The following EFCAB8 variants were observed in gnomAD, a reference collection of about 807,000 sequenced individuals.
EFCAB8 encodes EF-hand calcium-binding domain-containing protein 8.
In EFCAB8, 100 loss-of-function variants were observed where a neutral mutation model predicts 116.3. The ratio of observed to expected loss-of-function variants is 0.86; its 90% CI spans 0.73 to 1.02. The LOEUF (loss-of-function observed/expected upper bound fraction) is 1.02. Ranked by LOEUF, EFCAB8 falls within the 50% of genes least tolerant of loss-of-function variation. The pLI is 0.00. For missense variants in EFCAB8, 1,320 were observed against 1,416.9 expected (o/e 0.93, Z 1.10); for synonymous variants, 558 against 567.9 (o/e 0.98, Z 0.25).
intron 5 of EFCAB8, 108 bp from the exon 6 acceptor site, chr20:32,885,397 T>C (rs994112727): frequency 5.9e-5 from 85 of 1,446,090 alleles, no homozygotes; most frequent in Admixed American, 1.2e-4. Context: ...TGCGTGACGC[T>C]CCGCCGGCTT....
intron 4 of EFCAB8, 111 bp downstream of exon 4, chr20:32,876,155 C>T (rs1415472368): frequency 1.5e-5 from 14 of 940,996 alleles, no homozygotes; most frequent in Non-Finnish European, 2.1e-5. Context: ...GGGAAAGCCT[C>T]CCTGTGGATT....
chr20:32,871,673 T>A (rs992981979), intron 3 of EFCAB8, among the ~76,000 whole-genome samples: 1 of 152,122 alleles, frequency 6.6e-6, no homozygotes, highest in Non-Finnish European at 1.5e-5. Flanking sequence ...AATAGGATCA[T>A]TTTTCTCTTT....
chr20:32,871,791 C>G (rs1014084554), intron 3 of EFCAB8, among the ~76,000 whole-genome samples: 1 of 152,156 alleles, frequency 6.6e-6, no homozygotes, highest in Non-Finnish European at 1.5e-5. Context: ...TGCCAGTGTC[C>G]TTCTTCCTGT....
chr20:32,919,048 G>A (rs1218303522), intron 19 of EFCAB8, among the ~76,000 whole-genome samples: 2 of 152,180 alleles, frequency 1.3e-5, no homozygotes, highest in African/African-American at 2.4e-5. Context: ...TCTGCCCCAG[G>A]ACTAGCCCTT....
At chr20:32,865,293 G>T (rs1193549706) in intron 2 of EFCAB8, among the ~76,000 whole-genome samples, 1 of 135,448 alleles carries the variant, frequency 7.4e-6, no homozygotes, top group Non-Finnish European at 1.6e-5. Flanking sequence ...CTCTAGGGGA[G>T]ATGGGTTGGA....
chr20:32,882,691 T>G (rs1241816822), intron 5 of EFCAB8, among the ~76,000 whole-genome samples: 3 of 151,668 alleles, frequency 2.0e-5, no homozygotes, highest in Admixed American at 6.6e-5. Flanking sequence ...TGGCCGATTT[T>G]TTGTTGTTGT....
intron 22 of EFCAB8, among the ~76,000 whole-genome samples, chr20:32,935,621 C>T (rs965386535): frequency 7.2e-5 from 11 of 151,958 alleles, no homozygotes; most frequent in African/African-American, 2.4e-4. Flanking sequence ...ATTCTCCTGC[C>T]TCAGCCTCCC....
chr20:32,927,018 A>AT (rs1218851091), intron 20 of EFCAB8, among the ~76,000 whole-genome samples: 1 of 152,138 alleles, frequency 6.6e-6, no homozygotes, highest in African/African-American at 2.4e-5. Flanking sequence ...TCCTTTGGGT[A>AT]TACCACTTCA....
In EFCAB8 at chr20:32,885,648, G is replaced by A. The variant is rs1985586860; in HGVS notation, c.567+8G>A. ...CTGATGAGCTCCTTTAGGGTGAGTG[G>A]GGCCCCTACACATGGTGCACACATG... On this transcript the variant is annotated splice_region_variant and intron_variant, in intron 6 of 26. Coordinates refer to ENST00000400522, the MANE Select transcript of EFCAB8 (RefSeq NM_001143967.2). The A allele has an allele frequency of 6.4e-7, 1 of 1,551,520 alleles. No homozygotes were observed. Among genetic ancestry groups the A allele is most frequent in the Non-Finnish European group, 8.7e-7 (1 of 1,146,960 alleles).
At chr20:32,917,071 A>C in intron 17 of EFCAB8, 1 of 539,816 alleles carries the variant, frequency 1.9e-6, no homozygotes, top group South Asian at 2.3e-5. Flanking sequence ...CACATTGACT[A>C]TCTGTAAGAT....
intron 22 of EFCAB8, among the ~76,000 whole-genome samples, chr20:32,938,648 C>T (rs942419208): frequency 6.7e-6 from 1 of 149,354 alleles, no homozygotes; most frequent in African/African-American, 2.5e-5. Flanking sequence ...AATAAACAAT[C>T]TGAAAATGAA....
chr20:32,959,791 C>T lies in EFCAB8; in HGVS notation c.3103C>T (p.Leu1035=). ...CCCCCACACTAGGGAGCAGCGGGATCTGGCTGAGGCCCTGATATACCAGCG... is the reference window on the plus strand; with the variant it reads ...CCCCCACACTAGGGAGCAGCGGGATTTGGCTGAGGCCCTGATATACCAGCG... The part of the protein sequence containing the change: ...LHLELQEQRD[L]AEALIYQRRE... The change falls in exon 25 of 27, where the codon CTG becomes TTG. Residue 1035 remains leucine, a synonymous_variant. Transcript: ENST00000400522. 1 of 1,497,368 alleles carries T rather than the reference C, an allele frequency of 6.7e-7. No individual in the cohort carries two copies. 92.8% of individuals were successfully genotyped at this position (1,497,368 alleles called of 1,614,324 possible).
At chr20:32,908,487 C>A (rs768373447) in intron 14 of EFCAB8, 75 bp downstream of exon 14, 1 of 1,242,956 alleles carries the variant, frequency 8.0e-7, no homozygotes, top group Non-Finnish European at 1.0e-6. Flanking sequence ...ATGGGACACC[C>A]AAGGGGTGGC....
At chr20:32,885,161 A>G (rs1985548955) in intron 5 of EFCAB8, among the ~76,000 whole-genome samples, 1 of 152,138 alleles carries the variant, frequency 6.6e-6, no homozygotes, top group Non-Finnish European at 1.5e-5. Context: ...TTCCTATGAT[A>G]GAAGCTTTGC....
chr20:32,960,503 C>T (rs1275258881), intron 26 of EFCAB8, among the ~76,000 whole-genome samples: 1 of 152,246 alleles, frequency 6.6e-6, no homozygotes, highest in East Asian at 1.9e-4. Flanking sequence ...ATATTTCCCA[C>T]CTGTGTCCCC....
chr20:32,875,207 G>A (rs147556833), intron 3 of EFCAB8, among the ~76,000 whole-genome samples: 67 of 152,272 alleles, frequency 4.4e-4, no homozygotes, highest in African/African-American at 1.5e-3. Context: ...CAGGACTTGT[G>A]GGGTGGTTGA....
At chr20:32,870,664 A>G (rs1453578207) in intron 3 of EFCAB8, among the ~76,000 whole-genome samples, 1 of 151,842 alleles carries the variant, frequency 6.6e-6, no homozygotes, top group Non-Finnish European at 1.5e-5. Flanking sequence ...ATACCTGGGT[A>G]ATTTTTAAAA....
At chr20:32,859,481 G>A (rs1983992051) in intron 1 of EFCAB8, among the ~76,000 whole-genome samples, 1 of 152,110 alleles carries the variant, frequency 6.6e-6, no homozygotes, top group Non-Finnish European at 1.5e-5. Flanking sequence ...TCTGTTGGCA[G>A]CAACCAGCAC....
intron 23 of EFCAB8, among the ~76,000 whole-genome samples, chr20:32,948,534 A>AAGAAAGAAAGAG (rs1315186177): frequency 8.3e-6 from 1 of 120,282 alleles, no homozygotes; most frequent in East Asian, 2.0e-4. Context: ...AAAAGAAAGA[A>AAGAAAGAAAGAG]AGAAAGAAAG....
Sources: gnomAD v4.1 joint callset for allele counts (sites outside exome capture counted in the v4.1 genomes callset) on GRCh38, gnomAD v4.1.1 for gene constraint, MANE v1.5 for transcripts, NCBI Gene and HGNC (gene_info 2026-07-23, HGNC 2026-07-21) for gene names.